HPCAL1: variants seen among roughly 807,000 people sequenced by gnomAD.
HPCAL1 encodes the protein hippocalcin-like protein 1.
Under a neutral mutation model 17.1 loss-of-function variants are expected in HPCAL1, and 8 were observed. The observed-to-expected ratio is 0.47, with a 90% CI of 0.27 to 0.84. The LOEUF (loss-of-function observed/expected upper bound fraction) is 0.84, where lower values mean the gene tolerates loss of function less well. Among genes scored for constraint, HPCAL1 ranks in the 40% least tolerant of loss-of-function variants. The probability of loss-of-function intolerance (pLI) is 0.13; values close to 1 mark genes in which losing one functional copy is unlikely to be tolerated. For synonymous variants in HPCAL1, 112 were observed against 111.4 expected (o/e 1.01, Z -0.03); for missense variants, 165 against 271.1 (o/e 0.61, Z 2.75).
At chr2:10,358,563 G>A (rs1173001305) in intron 1 of HPCAL1, among the ~76,000 whole-genome samples, 1 of 152,196 alleles carries the variant, frequency 6.6e-6, no homozygotes, top group Non-Finnish European at 1.5e-5. Context: ...AGAAGCGGCT[G>A]GACATTGAGA....
In HPCAL1 at chr2:10,394,538, A is replaced by G. The variant is rs112481406; in HGVS notation, c.-110-2297A>G. Among the ~76,000 whole-genome samples the G allele has an allele frequency of 1.5e-3, 227 of 152,330 alleles. No individual in the cohort carries two copies. The highest frequency in any genetic ancestry group is 4.8e-3 in the African/African-American group (200 of 41,588). ...GGCTTTAGGGCAGCGAGCCCGCGCT[A>G]TGTGATGCTGTAATGGTGGGTGCGC... On this transcript the variant is annotated intron_variant, in intron 1 of 4. Transcript: ENST00000307845. This position sits in a 1 kb window ranked among gnomAD's most constrained non-coding sequence, Gnocchi z 5.0.
intron 1 of HPCAL1, among the ~76,000 whole-genome samples, chr2:10,381,659 G>A (rs1179150241): frequency 2.0e-5 from 3 of 152,104 alleles, no homozygotes; most frequent in African/African-American, 7.2e-5. Context: ...AGTAAAGATT[G>A]GTCCTGTGTG....
intron 1 of HPCAL1, among the ~76,000 whole-genome samples, chr2:10,389,165 C>G (rs935438418): frequency 4.6e-5 from 7 of 152,178 alleles, no homozygotes; most frequent in Non-Finnish European, 8.8e-5. Flanking sequence ...GTTACGGCTC[C>G]TTTCCGTGGC....
intron 1 of HPCAL1, among the ~76,000 whole-genome samples, chr2:10,370,782 G>A (rs904191537): frequency 3.9e-5 from 6 of 152,210 alleles, no homozygotes; most frequent in East Asian, 3.9e-4. Context: ...GGTCTTGGGG[G>A]CTCCCAGGTA....
intron 1 of HPCAL1, among the ~76,000 whole-genome samples, chr2:10,390,364 G>A (rs1572790976): frequency 6.6e-6 from 1 of 152,142 alleles, no homozygotes; most frequent in East Asian, 1.9e-4. Context: ...TATGAAGAGA[G>A]GTCATTGTGC....
intron 1 of HPCAL1, among the ~76,000 whole-genome samples, chr2:10,378,882 C>T (rs1198891649): frequency 1.3e-5 from 2 of 152,208 alleles, no homozygotes; most frequent in African/African-American, 2.4e-5. Flanking sequence ...CAGAGATCAT[C>T]ACAGCAGACA....
At position 10,310,578 on chromosome 2, in the gene HPCAL1, C is replaced by A. The variant is rs1452299942; in HGVS notation, c.-111+7401C>A. Among the ~76,000 whole-genome samples, 1 of 152,102 alleles carries A rather than the reference C, an allele frequency of 6.6e-6. No individual in the cohort carries two copies. Among genetic ancestry groups the A allele is most frequent in the Admixed American group, 6.6e-5 (1 of 15,264 alleles). On this transcript the variant is annotated intron_variant, in intron 1 of 4. Coordinates refer to ENST00000307845, the MANE Select transcript of HPCAL1 (RefSeq NM_002149.4). The surrounding 1 kb of genome is among the most constrained non-coding windows in gnomAD (Gnocchi z 4.5). Reference sequence around the variant, plus strand: ...TAGCCTCATGCCTTCTGAGAAGCATCTGTCAGGGTCCCTGATGCACCTACA... The same window carrying A: ...TAGCCTCATGCCTTCTGAGAAGCATATGTCAGGGTCCCTGATGCACCTACA...
chr2:10,402,364 T>C (rs2125592968), intron 2 of HPCAL1, among the ~76,000 whole-genome samples: 1 of 152,330 alleles, frequency 6.6e-6, no homozygotes, highest in East Asian at 1.9e-4. Flanking sequence ...GATTACACTT[T>C]GTGTGTATGG....
intron 1 of HPCAL1, among the ~76,000 whole-genome samples, chr2:10,388,450 C>G (rs1331343670): frequency 6.6e-6 from 1 of 152,156 alleles, no homozygotes; most frequent in African/African-American, 2.4e-5. Flanking sequence ...ATGGAAGGTC[C>G]TGAGTGAACA....
chr2:10,350,710 A>G (rs73161297), intron 1 of HPCAL1, among the ~76,000 whole-genome samples: 55,512 of 152,038 alleles, frequency 0.37, 10,604 homozygotes, highest in South Asian at 0.6. Context: ...TTGCATCTAG[A>G]ATATATAAAG....
chr2:10,305,719 A>G (rs1328637179), intron 1 of HPCAL1, among the ~76,000 whole-genome samples: 2 of 152,176 alleles, frequency 1.3e-5, no homozygotes, highest in East Asian at 3.8e-4. Context: ...AAGCCCTCCT[A>G]GAGATAGATT....
rs10167784 is a variant in HPCAL1, at chr2:10,330,162, T to C, written c.-111+26985T>C. On this transcript the variant is annotated intron_variant, in intron 1 of 4. Transcript: ENST00000307845. This position sits in a 1 kb window ranked among gnomAD's most constrained non-coding sequence, Gnocchi z 4.2. ...GATGCTTTCTTTTTCAGAGCGGCCT[T>C]TATGCTGTGTTCGGGGCTGTCTGTC... 0.21 allele frequency: 32,241 copies of C among 151,926 alleles called. 5,497 individuals carry two copies. The highest frequency in any genetic ancestry group is 0.58 in the East Asian group (2,969 of 5,134). The allele number at this position is 151,926 out of a possible 1,614,324, so 9.4% of individuals were successfully genotyped here. A position where few individuals can be genotyped will look rare whatever the true frequency, so the allele number is the denominator to read the frequency against.
At chr2:10,391,631 T>C (rs1365461207) in intron 1 of HPCAL1, among the ~76,000 whole-genome samples, 1 of 152,238 alleles carries the variant, frequency 6.6e-6, no homozygotes, top group Non-Finnish European at 1.5e-5. Flanking sequence ...CCATCCGCTC[T>C]TCTGCCAGCC....
Position 10,377,896 on chromosome 2 carries a change from G to A in HPCAL1, c.-110-18939G>A, listed in dbSNP as rs1363451422. ...CACCAAGGGGACGGGGCAGGCACAG[G>A]GAGGGCATTTCAGAGAGTGCAAGGA... is the stretch of plus-strand genomic sequence containing the variant. On this transcript the variant is annotated intron_variant, in intron 1 of 4. Coordinates refer to ENST00000307845, the MANE Select transcript of HPCAL1 (RefSeq NM_002149.4). This position sits in a 1 kb window ranked among gnomAD's most constrained non-coding sequence, Gnocchi z 5.9. 6.6e-6 allele frequency among the ~76,000 whole-genome samples: 1 copy of A among 152,116 alleles called. No individual in the cohort carries two copies. Among genetic ancestry groups the A allele is most frequent in the Non-Finnish European group, 1.5e-5 (1 of 68,000 alleles).
chr2:10,418,192 G>A (rs1670793455), intron 2 of HPCAL1, among the ~76,000 whole-genome samples: 2 of 152,072 alleles, frequency 1.3e-5, no homozygotes, highest in South Asian at 4.1e-4. Flanking sequence ...CAAGGCAGGC[G>A]AATCACTTGA....
At chr2:10,374,783 C>T (rs1051973204) in intron 1 of HPCAL1, among the ~76,000 whole-genome samples, 10 of 152,354 alleles carry the variant, frequency 6.6e-5, no homozygotes, top group East Asian at 3.9e-4. Flanking sequence ...GCCTTTCAGC[C>T]GTGGCCCTGC....
intron 1 of HPCAL1, among the ~76,000 whole-genome samples, chr2:10,360,605 A>G (rs1380688631): frequency 6.6e-6 from 1 of 151,986 alleles, no homozygotes; most frequent in Non-Finnish European, 1.5e-5. Context: ...TAGAGACAGG[A>G]TTTCACCATT....
intron 1 of HPCAL1, among the ~76,000 whole-genome samples, chr2:10,332,793 T>A (rs1365777511): frequency 6.6e-6 from 1 of 151,906 alleles, no homozygotes; most frequent in Non-Finnish European, 1.5e-5. Context: ...GGGACTTTGA[T>A]GTCAAAGGTG....
At position 10,344,470 on chromosome 2, in the gene HPCAL1, G is replaced by T. The variant is rs780241611; in HGVS notation, c.-111+41293G>T. On this transcript the variant is annotated intron_variant, in intron 1 of 4. Transcript: ENST00000307845. This position sits in a 1 kb window ranked among gnomAD's most constrained non-coding sequence, Gnocchi z 4.9. ...TGCACCAAGCGGCGATTCCATAGTTGTATAGTGATTGTCTTTATGGAACTC... is the reference window on the plus strand; with the variant it reads ...TGCACCAAGCGGCGATTCCATAGTTTTATAGTGATTGTCTTTATGGAACTC... Among the ~76,000 whole-genome samples the T allele has an allele frequency of 6.6e-6, 1 of 152,206 alleles. No individual in the cohort carries two copies. The highest frequency in any genetic ancestry group is 1.5e-5 in the Non-Finnish European group (1 of 68,034).
Sources: gnomAD v4.1 joint callset for allele counts (sites outside exome capture counted in the v4.1 genomes callset) on GRCh38, gnomAD v4.1.1 for gene constraint, Gnocchi (gnomAD v3.1) non-coding constraint, MANE v1.5 for transcripts, NCBI Gene and HGNC (gene_info 2026-07-23, HGNC 2026-07-21) for gene names.